PCSK2: variants seen among roughly 807,000 people sequenced by gnomAD.
The protein encoded by PCSK2 is neuroendocrine convertase 2.
PCSK2 carries 14 observed loss-of-function variants against 69.7 expected under a neutral mutation model. That is an observed-to-expected ratio of 0.20 (90% CI 0.13 to 0.31). The LOEUF (loss-of-function observed/expected upper bound fraction) is 0.31. Among genes scored for constraint, PCSK2 ranks in the 10% least tolerant of loss-of-function variants. The pLI is 1.00. For synonymous variants in PCSK2, 307 were observed against 320.7 expected, an observed-to-expected ratio of 0.96 and a Z score of 0.46; for missense variants, 544 against 842.5, an observed-to-expected ratio of 0.65 and a Z score of 4.39.
chr20:17,378,718 A>T (rs2031005611), intron 5 of PCSK2, among the ~76,000 whole-genome samples: 1 of 151,830 alleles, frequency 6.6e-6, no homozygotes, highest in Non-Finnish European at 1.5e-5. Flanking sequence ...GATGGAACGG[A>T]TGGATGAAAA....
chr20:17,324,524 C>T lies in PCSK2; in HGVS notation c.283-33803C>T, dbSNP rs375590019. Among the ~76,000 whole-genome samples, 6 of 152,248 alleles carry T rather than the reference C, an allele frequency of 3.9e-5. No homozygotes were observed. The East Asian group carries it at 7.7e-4, about 20-fold the overall frequency. On this transcript the variant is annotated intron_variant, in intron 2 of 11. Transcript: ENST00000262545. ...GATGGGAACCAGGCTGATTTAGAGA[C>T]GAGTAACCAAGGCCCTACCATAAGA...
chr20:17,342,081 G>T (rs555940091), intron 2 of PCSK2, among the ~76,000 whole-genome samples: 3 of 152,296 alleles, frequency 2.0e-5, no homozygotes, highest in Admixed American at 2.0e-4. Context: ...AGGAGAATTG[G>T]AGTAGACAGT....
chr20:17,238,497 G>T (rs569167470), intron 1 of PCSK2, among the ~76,000 whole-genome samples: 1 of 152,284 alleles, frequency 6.6e-6, no homozygotes, highest in East Asian at 1.9e-4. Context: ...ATGAGGGAAA[G>T]GGCATCGAAC....
chr20:17,326,691 T>C (rs1051620848), intron 2 of PCSK2, among the ~76,000 whole-genome samples: 3 of 152,212 alleles, frequency 2.0e-5, no homozygotes, highest in African/African-American at 7.2e-5. Flanking sequence ...ACAGCAAGAA[T>C]TATTGCTTGT....
chr20:17,233,321 A>G (rs1986211975), intron 1 of PCSK2, among the ~76,000 whole-genome samples: 1 of 152,192 alleles, frequency 6.6e-6, no homozygotes, highest in African/African-American at 2.4e-5. Flanking sequence ...CACTGAGTGC[A>G]TAGGATAAAA....
chr20:17,274,161 C>A (rs1337347443), intron 2 of PCSK2, among the ~76,000 whole-genome samples: 3 of 152,100 alleles, frequency 2.0e-5, no homozygotes, highest in African/African-American at 4.8e-5. Flanking sequence ...AGCCCATATT[C>A]TATTATTCTG....
chr20:17,405,836 C>A (rs2031739512), intron 5 of PCSK2, among the ~76,000 whole-genome samples: 1 of 152,142 alleles, frequency 6.6e-6, no homozygotes, highest in South Asian at 2.1e-4. Flanking sequence ...TCAGAAGTTT[C>A]TCCCAGAAAT....
At chr20:17,465,109 G>A (rs929579571) in intron 10 of PCSK2, 6 of 581,408 alleles carry the variant, frequency 1.0e-5, no homozygotes. Flanking sequence ...ATCAATTTAT[G>A]TAAGTAAGAA....
chr20:17,468,625 C>T lies in PCSK2; in HGVS notation c.1430+3072C>T, dbSNP rs192574966. The stretch of plus-strand genomic sequence containing the variant: ...GCTCCTCCACGGGCCAGTGTCCTCC[C>T]GTAGAAGGGTAGCCCACTATAGGTG... On this transcript the variant is annotated intron_variant, in intron 11 of 11. Transcript: ENST00000262545. Among the ~76,000 whole-genome samples, 8 of 150,778 alleles carry T rather than the reference C, an allele frequency of 5.3e-5. No individual in the cohort carries two copies. The East Asian group carries it at 9.8e-4, about 19-fold the overall frequency.
At chr20:17,327,531 G>C (rs935370616) in intron 2 of PCSK2, among the ~76,000 whole-genome samples, 3 of 152,216 alleles carry the variant, frequency 2.0e-5, no homozygotes, top group Non-Finnish European at 4.4e-5. Context: ...TAAATACCAA[G>C]GAAGGAAGAC....
At chr20:17,235,351 G>T (rs1011352332) in intron 1 of PCSK2, among the ~76,000 whole-genome samples, 1 of 152,106 alleles carries the variant, frequency 6.6e-6, no homozygotes, top group Non-Finnish European at 1.5e-5. Flanking sequence ...AAAACTGTAG[G>T]ATCCTGGGGT....
intron 2 of PCSK2, among the ~76,000 whole-genome samples, chr20:17,326,815 C>T (rs568852705): frequency 6.6e-6 from 1 of 152,312 alleles, no homozygotes; most frequent in East Asian, 1.9e-4. Flanking sequence ...TTTGTACCCA[C>T]CTGAGACGTG....
chr20:17,247,544 G>T (rs140271109), intron 1 of PCSK2, among the ~76,000 whole-genome samples: 44 of 152,324 alleles, frequency 2.9e-4, no homozygotes, highest in African/African-American at 9.9e-4. Flanking sequence ...ATGAAAACCA[G>T]CACAGTGGAC....
intron 6 of PCSK2, among the ~76,000 whole-genome samples, chr20:17,418,909 C>T (rs1440581719): frequency 1.3e-5 from 2 of 152,246 alleles, no homozygotes; most frequent in African/African-American, 2.4e-5. Context: ...ATTCCAGCCA[C>T]ACTGACTGCC....
At position 17,479,054 on chromosome 20, in the gene PCSK2, T is replaced by A; in HGVS notation, c.1431-2530T>A. The A allele has an allele frequency of 2.6e-6, 3 of 1,173,048 alleles. No individual in the cohort carries two copies. In the South Asian group the frequency reaches 3.7e-5, roughly 14 times the overall value. The allele number at this position is 1,173,048 out of a possible 1,614,324, so 72.7% of individuals were successfully genotyped here. On this transcript the variant is annotated intron_variant, in intron 11 of 11. Transcript: ENST00000262545. ...AAGGATACACTGACAAATTCTTAAG[T>A]TAATGGCTTTAACCCAACATTTTTA... is the stretch of plus-strand genomic sequence containing the variant.
At chr20:17,450,670 ATGGTGCCT>A (rs1013613849) in intron 8 of PCSK2, among the ~76,000 whole-genome samples, 2 of 152,084 alleles carry the variant, frequency 1.3e-5, no homozygotes, top group African/African-American at 4.8e-5. Context: ...TGCTTCTAAG[ATGGTGCCT>A]TGTTGCTGTA....
intron 2 of PCSK2, among the ~76,000 whole-genome samples, chr20:17,264,926 C>T (rs901664365): frequency 1.3e-5 from 2 of 151,900 alleles, no homozygotes; most frequent in Non-Finnish European, 2.9e-5. Flanking sequence ...TGCAGTGGCA[C>T]GATCTCAGCT....
chr20:17,311,882 T>C (rs1989526893), intron 2 of PCSK2, among the ~76,000 whole-genome samples: 1 of 152,194 alleles, frequency 6.6e-6, no homozygotes, highest in Non-Finnish European at 1.5e-5. Context: ...GTATATACTC[T>C]AAATGCCATT....
intron 5 of PCSK2, among the ~76,000 whole-genome samples, chr20:17,391,944 G>GGAAGGAAGGAAGGAAA (rs1309400584): frequency 1.4e-5 from 2 of 147,084 alleles, no homozygotes; most frequent in Admixed American, 1.4e-4. Context: ...AAGGAAGGAA[G>GGAAGGAAGGAAGGAAA]GAAGGGGAAG....
Sources: allele counts gnomAD v4.1 joint callset (sites outside exome capture counted in the v4.1 genomes callset), GRCh38; gene constraint gnomAD v4.1.1; transcripts MANE v1.5; gene names NCBI Gene and HGNC (gene_info 2026-07-23, HGNC 2026-07-21).